RABEP1: variants seen among roughly 807,000 people sequenced by gnomAD.
RABEP1 encodes rabaptin, RAB GTPase binding effector protein 1.
A neutral mutation model predicts 123.4 loss-of-function variants in RABEP1; 51 were observed. The ratio of observed to expected loss-of-function variants is 0.41; its 90% confidence interval spans 0.33 to 0.52. RABEP1 has a LOEUF of 0.52. Ranked by LOEUF, RABEP1 falls within the 20% of genes least tolerant of loss-of-function variation. The probability of loss-of-function intolerance (pLI) is 0.16; values close to 1 mark genes in which losing one functional copy is unlikely to be tolerated. For missense variants in RABEP1, 888 were observed against 996.3 expected (o/e 0.89, Z 1.46); for synonymous variants, 347 against 355.2 (o/e 0.98, Z 0.26).
rs888010808 is a variant in RABEP1, at chr17:5,369,699, C to CTT, written c.1884+1241_1884+1242dup. 2.0e-5 allele frequency among the ~76,000 whole-genome samples: 3 copies of CTT among 146,814 alleles called. No homozygotes were observed. In the East Asian group the frequency reaches 5.9e-4, roughly 29 times the overall value. ...CCCCTTGCATCTTTTTCCTTCTTGT[C>CTT]TTTTTTTTTTTCTTTTTTGAGACAG... On this transcript the variant is annotated intron_variant, in intron 12 of 17. Transcript: ENST00000537505.
chr17:5,384,115 ACTT>A lies in RABEP1; in HGVS notation c.*893_*895del, dbSNP rs1279809438. The A allele has an allele frequency of 1.9e-5, 4 of 213,882 alleles. No individual in the cohort carries two copies. The highest frequency in any genetic ancestry group is 9.0e-5 in the African/African-American group (4 of 44,314). The allele number at this position is 213,882 out of a possible 1,614,324, so 13.2% of individuals were successfully genotyped here. The stretch of plus-strand genomic sequence containing the variant: ...ACTTGGATCATTAGGCTTACGTACT[ACTT>A]GTTTCAAATGTGTCAAATACAAAAA... On this transcript the variant is annotated 3_prime_UTR_variant, in exon 18 of 18. Transcript: ENST00000537505.
intron 12 of RABEP1, among the ~76,000 whole-genome samples, chr17:5,372,269 C>T (rs1046429488): frequency 2.9e-4 from 44 of 151,896 alleles, no homozygotes; most frequent in African/African-American, 8.2e-4. Context: ...ATAGTGAAAC[C>T]CTGCCTCTAC....
At chr17:5,381,657 C>T in intron 17 of RABEP1, 152 bp downstream of exon 17, 1 of 1,335,180 alleles carries the variant, frequency 7.5e-7, no homozygotes, top group Non-Finnish European at 9.8e-7. Flanking sequence ...TCATTCAAGC[C>T]AGAAACCTGG....
rs62075061 is a variant in RABEP1, at chr17:5,295,756, G to A, written c.35-12938G>A. ...TGTGTGTTACACGTTCACAAGTAGA[G>A]CATTCTAAATTTGGTTCAGCTGCTC... On this transcript the variant is annotated intron_variant, in intron 1 of 17. Transcript: ENST00000537505. Among the ~76,000 whole-genome samples the A allele has an allele frequency of 4.8e-3, 726 of 152,296 alleles. 3 individuals carry two copies. Among genetic ancestry groups the A allele is most frequent in the Non-Finnish European group, 7.7e-3 (523 of 68,030 alleles).
At chr17:5,342,838 G>C (rs1397669173) in intron 5 of RABEP1, among the ~76,000 whole-genome samples, 3 of 152,292 alleles carry the variant, frequency 2.0e-5, no homozygotes, top group East Asian at 3.9e-4. Flanking sequence ...AAGGTAGTTT[G>C]TTACTGGTTT....
rs1033416123 is a variant in RABEP1, at chr17:5,282,638, C to A, written c.34+118C>A. 1.5e-5 allele frequency: 10 copies of A among 668,622 alleles called. No homozygotes were observed. In the African/African-American group the frequency reaches 1.6e-4, roughly 11 times the overall value. 41.4% of individuals were successfully genotyped at this position (668,622 alleles called of 1,614,324 possible). On this transcript the variant is annotated intron_variant, in intron 1 of 17. Transcript: ENST00000537505. ...CGCGCGCAGGCCCCGGGGGTGACCC[C>A]GCCGGGCGGAGGCGGGGGCGCGCGG...
chr17:5,367,511 C>T (rs764547087), intron 11 of RABEP1, among the ~76,000 whole-genome samples: 6 of 151,528 alleles, frequency 4.0e-5, no homozygotes, highest in Non-Finnish European at 8.8e-5. Context: ...CTTTGTGATC[C>T]ATCCGCCTCG....
intron 2 of RABEP1, among the ~76,000 whole-genome samples, chr17:5,315,429 G>GA (rs1385625089): frequency 1.3e-5 from 2 of 152,152 alleles, no homozygotes; most frequent in Non-Finnish European, 2.9e-5. Context: ...ACACACATCT[G>GA]AAAAGAGTTC....
intron 11 of RABEP1, among the ~76,000 whole-genome samples, chr17:5,368,032 C>T (rs1413814062): frequency 3.3e-5 from 5 of 152,096 alleles, no homozygotes; most frequent in Non-Finnish European, 7.4e-5. Flanking sequence ...GCTGGGATTA[C>T]AGGCATAAGC....
At chr17:5,351,890 C>T (rs150982437) in intron 7 of RABEP1, among the ~76,000 whole-genome samples, 1 of 151,866 alleles carries the variant, frequency 6.6e-6, no homozygotes, top group African/African-American at 2.4e-5. Flanking sequence ...TAGATGGATG[C>T]ACCATATTGA....
At position 5,386,240 on chromosome 17, in the gene RABEP1, T is replaced by C. The variant is rs547551060; in HGVS notation, c.*3017T>C. ...TACATGATTGCGGATATCATTGATT[T>C]GCTTCACCATTTCCCTTATATGTTC... On this transcript the variant is annotated 3_prime_UTR_variant, in exon 18 of 18. Transcript: ENST00000537505. 1.5e-4 allele frequency: 250 copies of C among 1,613,454 alleles called. 3 individuals carry two copies. The South Asian group carries it at 2.6e-3, about 17-fold the overall frequency.
chr17:5,320,264 A>T (rs1324935426), intron 2 of RABEP1, among the ~76,000 whole-genome samples: 2 of 152,082 alleles, frequency 1.3e-5, no homozygotes, highest in Admixed American at 6.6e-5. Flanking sequence ...TTTAACATCT[A>T]AGAATTGTAT....
chr17:5,294,631 G>GTTT (rs1355713572), intron 1 of RABEP1, among the ~76,000 whole-genome samples: 3 of 50,124 alleles, frequency 6.0e-5, no homozygotes, highest in Non-Finnish European at 1.5e-4. Context: ...AAACGGTATT[G>GTTT]TCTTTTTTTT....
rs747252146 is a variant in RABEP1 at position 5,380,424 on chromosome 17, A to G, written c.2332A>G (p.Ser778Gly). 4 of 1,567,604 alleles carry G rather than the reference A, an allele frequency of 2.6e-6. No individual in the cohort carries two copies. Among genetic ancestry groups the G allele is most frequent in the African/African-American group, 2.7e-5 (2 of 74,126 alleles). The change falls in exon 16 of 18, where the codon AGT becomes GGT. Residue 778 changes from serine to glycine, a missense_variant. Coordinates refer to ENST00000537505, the MANE Select transcript of RABEP1 (RefSeq NM_004703.6). ...QLESLQEIKI[S>G]LEEQLKKETA... is the part of the protein sequence containing the mutation. ...TGAGAGTCTTCAGGAAATAAAGATCAGTTTGGAAGAGCAGTTAAAGAAAGA... is the reference window on the plus strand; with the variant it reads ...TGAGAGTCTTCAGGAAATAAAGATCGGTTTGGAAGAGCAGTTAAAGAAAGA...
rs1185209680 is a variant in RABEP1 at position 5,294,633 on chromosome 17, C to CTTTTTTTTTTTTTT, written c.34+12132_34+12145dup. On this transcript the variant is annotated intron_variant, in intron 1 of 17. Coordinates refer to ENST00000537505, the MANE Select transcript of RABEP1 (RefSeq NM_004703.6). ...AGATACTGAGGGAAAACGGTATTGT[C>CTTTTTTTTTTTTTT]TTTTTTTTTTTTTTTTTTTTTTTTT... Among the ~76,000 whole-genome samples the CTTTTTTTTTTTTTT allele has an allele frequency of 1.5e-3, 77 of 53,024 alleles. 24 individuals carry two copies. The highest frequency in any genetic ancestry group is 2.3e-3 in the Non-Finnish European group (66 of 29,086). The allele number at this position is 53,024 out of a possible 152,430, so 34.8% of individuals were successfully genotyped here. A position where few individuals can be genotyped will look rare whatever the true frequency, so the allele number is the denominator to read the frequency against.
chr17:5,358,982 G>A (rs1035353279), intron 8 of RABEP1, among the ~76,000 whole-genome samples: 4 of 151,910 alleles, frequency 2.6e-5, no homozygotes, highest in Non-Finnish European at 5.9e-5. Flanking sequence ...GGCTGGTCTT[G>A]TACTCCTGGG....
At chr17:5,315,413 C>T (rs1436605904) in intron 2 of RABEP1, among the ~76,000 whole-genome samples, 1 of 152,002 alleles carries the variant, frequency 6.6e-6, no homozygotes, top group Admixed American at 6.6e-5. Context: ...GAATTAAGAG[C>T]CTTCAACACA....
intron 13 of RABEP1, among the ~76,000 whole-genome samples, chr17:5,374,727 T>C (rs970339060): frequency 6.6e-6 from 1 of 151,962 alleles, no homozygotes; most frequent in Non-Finnish European, 1.5e-5. Context: ...GCAACCTCTG[T>C]CTCCCAGGTT....
intron 11 of RABEP1, among the ~76,000 whole-genome samples, chr17:5,367,490 C>G (rs772494912): frequency 6.6e-6 from 1 of 151,698 alleles, no homozygotes; most frequent in Non-Finnish European, 1.5e-5. Flanking sequence ...AGGCTGGTCT[C>G]GAACTCCTGA....
Sources: gnomAD v4.1 joint callset for allele counts (sites outside exome capture counted in the v4.1 genomes callset) on GRCh38, gnomAD v4.1.1 for gene constraint, MANE v1.5 for transcripts, NCBI Gene and HGNC (gene_info 2026-07-23, HGNC 2026-07-21) for gene names.